The following MTO1 variants were observed in gnomAD, a reference collection of about 807,000 sequenced individuals.
The protein encoded by MTO1 is mitochondrial tRNA translation optimization 1, also known as 5-taurinomethyluridine-[tRNA] synthase subunit MTO1, mitochondrial.
In MTO1, 46 loss-of-function variants were observed where a neutral mutation model predicts 71.6. The ratio of observed to expected loss-of-function variants is 0.64; its 90% CI spans 0.51 to 0.82. MTO1 has a LOEUF of 0.82. Among genes scored for constraint, MTO1 ranks in the 40% least tolerant of loss-of-function variants. The probability of loss-of-function intolerance (pLI) is 0.00; values close to 1 mark genes in which losing one functional copy is unlikely to be tolerated. For synonymous variants in MTO1, 297 were observed against 312.1 expected, an observed-to-expected ratio of 0.95 and a Z score of 0.51; for missense variants, 773 against 867.5, an observed-to-expected ratio of 0.89 and a Z score of 1.37.
At chr6:73,471,129 A>G (rs1464085186) in intron 3 of MTO1, among the ~76,000 whole-genome samples, 1 of 150,278 alleles carries the variant, frequency 6.7e-6, no homozygotes, top group African/African-American at 2.4e-5. Context: ...ATCGTAGCAT[A>G]TTATACACAC....
At chr6:73,464,835 C>CAAAAAA (rs70996805) in intron 1 of MTO1, among the ~76,000 whole-genome samples, 1 of 28,352 alleles carries the variant, frequency 3.5e-5, no homozygotes, top group African/African-American at 1.4e-4. Flanking sequence ...AACTCTGTCT[C>CAAAAAA]AAAAAAAAAA....
At chr6:73,472,938 T>C (rs1386843954) in intron 3 of MTO1, among the ~76,000 whole-genome samples, 1 of 152,204 alleles carries the variant, frequency 6.6e-6, no homozygotes, top group East Asian at 1.9e-4. Context: ...GTAGTTGTAA[T>C]GTAAAATAGT....
At chr6:73,463,648 T>G (rs949790216) in intron 1 of MTO1, among the ~76,000 whole-genome samples, 18 of 152,324 alleles carry the variant, frequency 1.2e-4, no homozygotes, top group African/African-American at 3.8e-4. Flanking sequence ...TATATACTAT[T>G]AACTGCGGTT....
chr6:73,475,024 G>A (rs188460040), intron 4 of MTO1, among the ~76,000 whole-genome samples: 46 of 152,248 alleles, frequency 3.0e-4, no homozygotes, highest in Non-Finnish European at 6.5e-4. Flanking sequence ...CAAAGTGCTA[G>A]CATTACAGGC....
chr6:73,461,933 A>G lies in MTO1; in HGVS notation c.79A>G (p.Ser27Gly), dbSNP rs1240435216. The change falls in exon 1 of 12, where the codon AGT (serine) becomes GGT (glycine). Residue 27 changes from serine to glycine, a missense_variant. Transcript: ENST00000498286. ...KQQFPLARLS[S>G]DSAAPRTPHF... ...GCAATTTCCGTTGGCACGGTTGAGC[A>G]GTGACAGCGCGGCGCCCCGGACTCC... The G allele has an allele frequency of 1.2e-6, 2 of 1,614,144 alleles. No homozygotes were observed. Among genetic ancestry groups the G allele is most frequent in the Non-Finnish European group, 1.7e-6 (2 of 1,180,046 alleles).
chr6:73,483,125 A>G (rs1478863500), intron 9 of MTO1, among the ~76,000 whole-genome samples: 2 of 151,630 alleles, frequency 1.3e-5, no homozygotes, highest in Non-Finnish European at 2.9e-5. Context: ...TAAAAAATAT[A>G]TGGCTGGATG....
intron 9 of MTO1, among the ~76,000 whole-genome samples, chr6:73,485,635 G>A (rs1035472794): frequency 6.6e-6 from 1 of 152,052 alleles, no homozygotes; most frequent in Non-Finnish European, 1.5e-5. Flanking sequence ...TAGAGACAGG[G>A]TTTCACCGTG....
intron 7 of MTO1, 175 bp downstream of exon 7, chr6:73,480,980 T>TG (rs1771475385): frequency 3.1e-6 from 2 of 635,618 alleles, no homozygotes; most frequent in African/African-American, 3.9e-5. Flanking sequence ...TTTTTTTTTT[T>TG]TTTTTTTTTT....
chr6:73,467,275 C>T (rs1771025764), intron 3 of MTO1, among the ~76,000 whole-genome samples: 1 of 151,986 alleles, frequency 6.6e-6, no homozygotes, highest in Non-Finnish European at 1.5e-5. Context: ...GATTATGCCA[C>T]TGCACTCCAG....
Position 73,482,208 on chromosome 6 carries a change from C to A in MTO1, c.1429C>A (p.Arg477Ser). The change falls in exon 8 of 12, where the codon CGC becomes AGC. Residue 477 changes from arginine (R) to serine (S), a missense_variant. Transcript: ENST00000498286. ...CCGAGTAGAGTTCCGTTTGTCACTGCGCCCTGATAATGCTGACAGCCGGCT... is the reference window on the plus strand; with the variant it reads ...CCGAGTAGAGTTCCGTTTGTCACTGAGCCCTGATAATGCTGACAGCCGGCT... ...TSRVEFRLSL[R>S]PDNADSRLTL... 2.5e-6 allele frequency: 4 copies of A among 1,614,124 alleles called. No individual in the cohort carries two copies. Among genetic ancestry groups the A allele is most frequent in the Non-Finnish European group, 3.4e-6 (4 of 1,180,020 alleles).
chr6:73,496,584 T>C (rs1172941012), intron 10 of MTO1, among the ~76,000 whole-genome samples: 4 of 151,264 alleles, frequency 2.6e-5, no homozygotes, highest in Non-Finnish European at 5.9e-5. Context: ...GCTGCACCCA[T>C]TAACTCATCA....
intron 3 of MTO1, among the ~76,000 whole-genome samples, chr6:73,468,138 G>A (rs951622919): frequency 1.1e-4 from 16 of 151,950 alleles, no homozygotes; most frequent in Admixed American, 1.1e-3. Context: ...CATTTTTTGA[G>A]ACAGAGTCTG....
In MTO1 at chr6:73,466,519, G is replaced by T; in HGVS notation, c.448G>T (p.Val150Phe). The T allele has an allele frequency of 6.2e-7, 1 of 1,614,146 alleles. No individual in the cohort carries two copies. The highest frequency in any genetic ancestry group is 1.3e-5 in the African/African-American group (1 of 75,032). Residue 150 changes from valine to phenylalanine, a missense_variant, in exon 3 of 12, where the codon GTT becomes TTT. By Grantham distance (50) the Val-to-Phe change is conservative. Transcript: ENST00000498286. Reference protein sequence around the residue: ...KEILNTPLLTVQEGAVEDLIL... With the variant: ...KEILNTPLLTFQEGAVEDLIL... ...AATCTTGAATACACCACTGCTTACTGTTCAGGAGGGAGCTGTAGAAGATCT... is the reference window on the plus strand; with the variant it reads ...AATCTTGAATACACCACTGCTTACTTTTCAGGAGGGAGCTGTAGAAGATCT...
At chr6:73,475,200 C>T (rs919118305) in intron 4 of MTO1, among the ~76,000 whole-genome samples, 4 of 151,894 alleles carry the variant, frequency 2.6e-5, no homozygotes, top group African/African-American at 9.7e-5. Context: ...TGAGCTCAAG[C>T]CATCCGCCCA....
chr6:73,481,660 T>TG (rs1771494918), intron 7 of MTO1, among the ~76,000 whole-genome samples: 1 of 151,828 alleles, frequency 6.6e-6, no homozygotes, highest in Non-Finnish European at 1.5e-5. Flanking sequence ...CCCAGCTACT[T>TG]GGGGGGATGA....
chr6:73,488,427 T>C (rs562262712), intron 9 of MTO1, among the ~76,000 whole-genome samples: 5 of 152,214 alleles, frequency 3.3e-5, no homozygotes, highest in African/African-American at 9.6e-5. Flanking sequence ...CCCACCTTGG[T>C]CTCCCAAAGC....
chr6:73,478,892 CTTTTTTTTTTTTTT>C (rs1028021927), intron 4 of MTO1, among the ~76,000 whole-genome samples: 2 of 134,110 alleles, frequency 1.5e-5, no homozygotes, highest in African/African-American at 5.3e-5. Context: ...TTTTTTTTTT[CTTTTTTTTTTTTTT>C]GAGACGGAAT....
chr6:73,508,299 C>T lies in MTO1; in HGVS notation c.*7564C>T, dbSNP rs1772343524. On this transcript the variant is annotated 3_prime_UTR_variant, in exon 12 of 12. Coordinates refer to ENST00000498286, the MANE Select transcript of MTO1 (RefSeq NM_012123.4). ...AAACAACTATTTTTTAGTCCAGTGG[C>T]TTGTAATTAAGTCATTTTTAGTCTT... is the stretch of plus-strand genomic sequence containing the variant. 1 of 152,086 alleles carries T rather than the reference C, an allele frequency of 6.6e-6. No homozygotes were observed. Among genetic ancestry groups the T allele is most frequent in the African/African-American group, 2.4e-5 (1 of 41,434 alleles). The allele number at this position is 152,086 out of a possible 1,614,324, so 9.4% of individuals were successfully genotyped here.
Position 73,502,337 on chromosome 6 carries a change from A to C in MTO1, c.*1602A>C, listed in dbSNP as rs1453481302. The C allele has an allele frequency of 6.6e-6, 1 of 152,194 alleles. No homozygotes were observed. The highest frequency in any genetic ancestry group is 1.5e-5 in the Non-Finnish European group (1 of 68,054). The allele number at this position is 152,194 out of a possible 1,614,324, so 9.4% of individuals were successfully genotyped here. A position where few individuals can be genotyped will look rare whatever the true frequency, so the allele number is the denominator to read the frequency against. ...AGCAAGCCTGTAGTCCCAGCTACTC[A>C]GGAGGCTGAGGCAGGAGAATCGCTT... On this transcript the variant is annotated 3_prime_UTR_variant, in exon 12 of 12. Transcript: ENST00000498286.
Sources: gnomAD v4.1 joint callset for allele counts (sites outside exome capture counted in the v4.1 genomes callset) on GRCh38, gnomAD v4.1.1 for gene constraint, MANE v1.5 for transcripts, NCBI Gene and HGNC (gene_info 2026-07-23, HGNC 2026-07-21) for gene names.